Variants in TTC7B observed in about 807,000 individuals in gnomAD.
The protein encoded by TTC7B is tetratricopeptide repeat protein 7B.
TTC7B carries 28 observed loss-of-function variants against 106.8 expected under a neutral mutation model. The ratio of observed to expected loss-of-function variants is 0.26; its 90% CI spans 0.19 to 0.36. The LOEUF (loss-of-function observed/expected upper bound fraction) is 0.36, where lower values mean the gene tolerates loss of function less well. Among genes scored for constraint, TTC7B ranks in the 10% least tolerant of loss-of-function variants. The probability of loss-of-function intolerance (pLI) is 1.00; values close to 1 mark genes in which losing one functional copy is unlikely to be tolerated. For synonymous variants in TTC7B, 405 were observed against 430.6 expected, an observed-to-expected ratio of 0.94 and a Z score of 0.74; for missense variants, 862 against 1,076.4, an observed-to-expected ratio of 0.80 and a Z score of 2.79.
chr14:90,732,618 T>C (rs1889368620), intron 4 of TTC7B, among the ~76,000 whole-genome samples: 1 of 152,112 alleles, frequency 6.6e-6, no homozygotes, highest in Admixed American at 6.5e-5. Context: ...GCTCAAGAAA[T>C]CCAACTGCCT....
intron 18 of TTC7B, among the ~76,000 whole-genome samples, chr14:90,580,600 G>A (rs1891448791): frequency 6.6e-6 from 1 of 152,180 alleles, no homozygotes; most frequent in African/African-American, 2.4e-5. Flanking sequence ...CCCGGGCTCT[G>A]GCCTTGCTAG....
chr14:90,660,005 G>T (rs904918272), intron 9 of TTC7B, among the ~76,000 whole-genome samples: 2 of 152,104 alleles, frequency 1.3e-5, no homozygotes, highest in African/African-American at 4.8e-5. Context: ...GGCAGGTGGT[G>T]TCGGGCCCAG....
At chr14:90,766,413 GT>G in intron 3 of TTC7B, 1 of 531,542 alleles carries the variant, frequency 1.9e-6, no homozygotes, top group Middle Eastern at 5.2e-4. Flanking sequence ...TGTGGTGAAA[GT>G]CAAGAAAATG....
Position 90,742,185 on chromosome 14 carries a change from C to A in TTC7B, c.576+2607G>T, listed in dbSNP as rs1179476787. ...CCTCCCAAGTAGCTGGGACTACAGG[C>A]ACTTGCCACCATGCCTAGCTAGTTT... On this transcript the variant is annotated intron_variant, in intron 4 of 19. Transcript: ENST00000328459. The surrounding 1 kb of genome is among the most constrained non-coding windows in gnomAD (Gnocchi z 4.1). Among the ~76,000 whole-genome samples the A allele has an allele frequency of 6.6e-6, 1 of 152,146 alleles. No individual in the cohort carries two copies. Among genetic ancestry groups the A allele is most frequent in the Non-Finnish European group, 1.5e-5 (1 of 68,034 alleles).
chr14:90,597,368 A>C (rs1159094432), intron 17 of TTC7B, among the ~76,000 whole-genome samples: 2 of 152,152 alleles, frequency 1.3e-5, no homozygotes, highest in Non-Finnish European at 2.9e-5. Context: ...TAAAAAACAA[A>C]CCAAGCAGGC....
At chr14:90,704,813 C>T (rs1262860567) in intron 5 of TTC7B, among the ~76,000 whole-genome samples, 1 of 152,196 alleles carries the variant, frequency 6.6e-6, no homozygotes, top group Non-Finnish European at 1.5e-5. Flanking sequence ...GACGCTCTGA[C>T]CAGAAGTCAA....
chr14:90,780,672 G>A, intron 3 of TTC7B, 66 bp downstream of exon 3: 1 of 1,544,324 alleles, frequency 6.5e-7, no homozygotes, highest in South Asian at 1.2e-5. Flanking sequence ...GGTCAAATAG[G>A]CAGCTCCGAA....
rs1464883908 is a variant in TTC7B, at chr14:90,744,855, A to T, written c.513T>A (p.Asp171Glu). Residue 171 changes from aspartate to glutamate, a missense_variant, in exon 4 of 20, where the codon GAT becomes GAA. Transcript: ENST00000328459. ...CTGCTTTCTCATAACAGGTGATGAC[A>T]TCCTGTTCCCGGTCCACATGGAGAT... The part of the protein sequence containing the change: ...TSNLHVDREQ[D>E]VITCYEKAGD... 8 of 1,613,500 alleles carry T rather than the reference A, an allele frequency of 5.0e-6. No homozygotes were observed. The South Asian group carries it at 8.8e-5, about 18-fold the overall frequency.
In TTC7B at chr14:90,617,934, G is replaced by T; in HGVS notation, c.1863C>A (p.Asn621Lys). 1.9e-6 allele frequency: 3 copies of T among 1,613,236 alleles called. No individual in the cohort carries two copies. The highest frequency in any genetic ancestry group is 2.5e-6 in the Non-Finnish European group (3 of 1,179,304). ...AGGCCCTGCTGGCCTCTTACCTGGG[G>T]TTGGTGAGGTTGTAGCAGGATTTCC... is the stretch of plus-strand genomic sequence containing the variant. ...QIWKSCYNLT[N>K]PSDSGRGSSL... Residue 621 changes from asparagine to lysine, a missense_variant, in exon 16 of 20, where the codon AAC becomes AAA. Asn to Lys is a moderately conservative substitution (Grantham distance 94). Coordinates refer to ENST00000328459, the MANE Select transcript of TTC7B (RefSeq NM_001010854.2).
chr14:90,784,607 T>C (rs1891325025), intron 2 of TTC7B, among the ~76,000 whole-genome samples: 4 of 150,884 alleles, frequency 2.7e-5, no homozygotes, highest in Non-Finnish European at 4.4e-5. Context: ...GGTTTCGCCA[T>C]GTTGGCCAGG....
At chr14:90,562,320 C>T (rs1164787618) in intron 19 of TTC7B, among the ~76,000 whole-genome samples, 1 of 152,246 alleles carries the variant, frequency 6.6e-6, no homozygotes, top group Non-Finnish European at 1.5e-5. Context: ...CTCAAACCCT[C>T]TGGTTCCCTC....
At position 90,621,394 on chromosome 14, in the gene TTC7B, G is replaced by A. The variant is rs1309784614; in HGVS notation, c.1752-3349C>T. Among the ~76,000 whole-genome samples the A allele has an allele frequency of 2.7e-5, 4 of 148,146 alleles. No homozygotes were observed. In the South Asian group the frequency reaches 6.5e-4, roughly 24 times the overall value. On this transcript the variant is annotated intron_variant, in intron 15 of 19. Coordinates refer to ENST00000328459, the MANE Select transcript of TTC7B (RefSeq NM_001010854.2). ...GCCACGCGGGTACGGCCGGGACGAT[G>A]GGCAGAGGCCACGTGGGTACAGCCG...
At chr14:90,652,919 G>A in intron 12 of TTC7B, 21 bp from the exon 13 acceptor site, 1 of 1,613,860 alleles carries the variant, frequency 6.2e-7, no homozygotes, top group Non-Finnish European at 8.5e-7. Flanking sequence ...GGTTCAATTA[G>A]TCAGTGGCAT....
intron 15 of TTC7B, among the ~76,000 whole-genome samples, chr14:90,635,362 A>T (rs772376223): frequency 1.3e-5 from 2 of 152,224 alleles, no homozygotes; most frequent in Admixed American, 6.5e-5. Context: ...TCAAATAGAA[A>T]GCATAAATAG....
intron 11 of TTC7B, among the ~76,000 whole-genome samples, chr14:90,656,074 C>T (rs915751164): frequency 1.3e-5 from 2 of 152,168 alleles, no homozygotes; most frequent in Non-Finnish European, 2.9e-5. Flanking sequence ...TCAAAACCCA[C>T]GTGACCAAAC....
chr14:90,555,581 C>A (rs1296788908), intron 19 of TTC7B, among the ~76,000 whole-genome samples: 2 of 152,230 alleles, frequency 1.3e-5, no homozygotes, highest in East Asian at 3.8e-4. Context: ...TTCCCTGCAA[C>A]CTGCACCAGC....
At position 90,786,403 on chromosome 14, in the gene TTC7B, C is replaced by T. The variant is rs1270457016; in HGVS notation, c.122-75G>A. 6 of 1,570,782 alleles carry T rather than the reference C, an allele frequency of 3.8e-6. No individual in the cohort carries two copies. In the East Asian group the frequency reaches 1.1e-4, roughly 29 times the overall value. ...TAGGACCCCCTCACTCAAGGGACCC[C>T]AGAACCACCACCCTCCGAGGCTCCA... is the stretch of plus-strand genomic sequence containing the variant. On this transcript the variant is annotated intron_variant, in intron 1 of 19. Coordinates refer to ENST00000328459, the MANE Select transcript of TTC7B (RefSeq NM_001010854.2).
Position 90,676,654 on chromosome 14 carries a change from G to A in TTC7B, c.1021C>T (p.Arg341Trp), listed in dbSNP as rs766864846. ...LLLISESMAN[R>W]DAVLSRIPEH... ...GGTATCCTGCTCAGCACAGCGTCCCGGTTGGCCTGAAAAAACATGGAATAG... is the reference window on the plus strand; with the variant it reads ...GGTATCCTGCTCAGCACAGCGTCCCAGTTGGCCTGAAAAAACATGGAATAG... The change falls in exon 9 of 20, where the codon CGG becomes TGG. Residue 341 changes from arginine (R) to tryptophan (W), a missense_variant. Coordinates refer to ENST00000328459, the MANE Select transcript of TTC7B (RefSeq NM_001010854.2). 16 of 1,613,448 alleles carry A rather than the reference G, an allele frequency of 9.9e-6. No homozygotes were observed. The highest frequency in any genetic ancestry group is 1.6e-4 in the Middle Eastern group (1 of 6,080).
intron 5 of TTC7B, among the ~76,000 whole-genome samples, chr14:90,711,351 G>A (rs1268448454): frequency 6.6e-6 from 1 of 152,216 alleles, no homozygotes; most frequent in East Asian, 1.9e-4. Context: ...TGCTAGTACT[G>A]AAATTAAGTC....
Sources: allele counts gnomAD v4.1 joint callset (sites outside exome capture counted in the v4.1 genomes callset), GRCh38; gene constraint gnomAD v4.1.1; non-coding constraint Gnocchi (gnomAD v3.1); transcripts MANE v1.5; gene names NCBI Gene and HGNC (gene_info 2026-07-23, HGNC 2026-07-21).